Variants in DLG2 observed in about 807,000 individuals in gnomAD.
DLG2 encodes discs large MAGUK scaffold protein 2.
Under a neutral mutation model 132.5 loss-of-function variants are expected in DLG2, and 45 were observed. The observed-to-expected ratio is 0.34, with a 90% CI of 0.27 to 0.44. The LOEUF (loss-of-function observed/expected upper bound fraction) is 0.44, where lower values mean the gene tolerates loss of function less well. Ranked by LOEUF, DLG2 falls within the 20% of genes least tolerant of loss-of-function variation. DLG2 has a pLI of 1.00. For synonymous variants in DLG2, 424 were observed against 419.6 expected (o/e 1.01, Z -0.13); for missense variants, 1,045 against 1,196.9 (o/e 0.87, Z 1.87).
intron 5 of DLG2, among the ~76,000 whole-genome samples, chr11:85,133,705 A>C (rs1173453447): frequency 6.6e-6 from 1 of 152,154 alleles, no homozygotes; most frequent in African/African-American, 2.4e-5. Flanking sequence ...CCACATTCTG[A>C]GTGAAAAAAT....
intron 18 of DLG2, among the ~76,000 whole-genome samples, chr11:83,773,076 G>T (rs1370947335): frequency 6.6e-6 from 1 of 152,164 alleles, no homozygotes; most frequent in Admixed American, 6.5e-5. Flanking sequence ...CTTATGGAAA[G>T]CCTGATAATT....
At chr11:85,207,328 C>A (rs2081963207) in intron 4 of DLG2, among the ~76,000 whole-genome samples, 1 of 152,186 alleles carries the variant, frequency 6.6e-6, no homozygotes, top group Admixed American at 6.6e-5. Flanking sequence ...AGCCTACCTT[C>A]CAGGTATTTG....
intron 3 of DLG2, among the ~76,000 whole-genome samples, chr11:85,586,365 T>C (rs1321891422): frequency 1.3e-5 from 2 of 151,868 alleles, no homozygotes; most frequent in South Asian, 2.1e-4. Flanking sequence ...AACTTTTTAA[T>C]TACTCTTTCA....
intron 21 of DLG2, among the ~76,000 whole-genome samples, chr11:83,493,497 T>G (rs2093987740): frequency 6.6e-6 from 1 of 152,102 alleles, no homozygotes; most frequent in African/African-American, 2.4e-5. Context: ...GAAATGTGTT[T>G]TCATCCACTG....
chr11:83,749,085 T>C (rs1381073177), intron 18 of DLG2, among the ~76,000 whole-genome samples: 1 of 152,160 alleles, frequency 6.6e-6, no homozygotes, highest in Admixed American at 6.5e-5. Context: ...CATATGGCTT[T>C]TGTGGGTTGA....
Position 83,541,733 on chromosome 11 carries a change from A to T in DLG2, c.2066T>A (p.Val689Asp). The T allele has an allele frequency of 6.2e-7, 1 of 1,612,476 alleles. No homozygotes were observed. The highest frequency in any genetic ancestry group is 8.5e-7 in the Non-Finnish European group (1 of 1,179,216). ...CTCCTCACTGTCTCCCTCCAGCATG[A>T]CTCTCCTGGCTTGCCACCACTCATC... is the stretch of plus-strand genomic sequence containing the variant. ...SDDEWWQARR[V>D]MLEGDSEEMG... The change falls in exon 20 of 28, where the codon GTC (valine) becomes GAC (aspartate). Residue 689 changes from valine (V) to aspartate (D), a missense_variant. Val to Asp is a radical substitution (Grantham distance 152). This residue lies in a region of DLG2 where 398 missense variants were observed against 543.6 expected (regional missense o/e 0.73). Transcript: ENST00000376104.
chr11:84,332,113 C>G (rs1038351456), intron 7 of DLG2, among the ~76,000 whole-genome samples: 2 of 152,100 alleles, frequency 1.3e-5, no homozygotes, highest in Non-Finnish European at 2.9e-5. Flanking sequence ...AAACAATCAT[C>G]CGTTAGTAAA....
At chr11:83,861,910 G>A (rs997515612) in intron 16 of DLG2, among the ~76,000 whole-genome samples, 1 of 152,272 alleles carries the variant, frequency 6.6e-6, no homozygotes, top group Non-Finnish European at 1.5e-5. Context: ...ATAAATGCTT[G>A]AGGGGACAGA....
intron 6 of DLG2, among the ~76,000 whole-genome samples, chr11:84,986,552 A>G (rs1316543423): frequency 1.3e-5 from 2 of 152,230 alleles, no homozygotes; most frequent in Non-Finnish European, 2.9e-5. Flanking sequence ...CGAATCCAAC[A>G]ACACATCAAA....
intron 4 of DLG2, among the ~76,000 whole-genome samples, chr11:85,194,888 T>G (rs1337933391): frequency 6.6e-6 from 1 of 152,238 alleles, no homozygotes; most frequent in Non-Finnish European, 1.5e-5. Context: ...CTATGTGCCA[T>G]GTTCTGTGTA....
intron 14 of DLG2, among the ~76,000 whole-genome samples, chr11:83,940,874 A>G (rs1163367807): frequency 6.6e-6 from 1 of 152,196 alleles, no homozygotes; most frequent in Non-Finnish European, 1.5e-5. Flanking sequence ...GAAATGATGC[A>G]TGAATAGCAC....
At chr11:83,805,462 C>T (rs956001896) in intron 17 of DLG2, among the ~76,000 whole-genome samples, 2 of 150,984 alleles carry the variant, frequency 1.3e-5, no homozygotes, top group South Asian at 4.2e-4. Flanking sequence ...TAATATTGTT[C>T]TTTTTGATAT....
chr11:85,315,646 G>A (rs771400348), intron 3 of DLG2, among the ~76,000 whole-genome samples: 1 of 152,022 alleles, frequency 6.6e-6, no homozygotes, highest in Non-Finnish European at 1.5e-5. Flanking sequence ...CTCAACCCAA[G>A]ATAGAGACAG....
At chr11:83,821,288 T>G (rs546449900) in intron 17 of DLG2, among the ~76,000 whole-genome samples, 1 of 152,312 alleles carries the variant, frequency 6.6e-6, no homozygotes, top group African/African-American at 2.4e-5. Flanking sequence ...TAGAGGACGC[T>G]CATCGACTCT....
At chr11:83,841,818 C>A (rs1018220213) in intron 16 of DLG2, among the ~76,000 whole-genome samples, 6 of 152,136 alleles carry the variant, frequency 3.9e-5, no homozygotes, top group African/African-American at 1.4e-4. Context: ...AGACAAGCAT[C>A]TATGGAGTAC....
At chr11:84,361,145 C>A (rs2098647668) in intron 7 of DLG2, among the ~76,000 whole-genome samples, 1 of 151,640 alleles carries the variant, frequency 6.6e-6, no homozygotes, top group South Asian at 2.1e-4. Context: ...AAGTACAGTC[C>A]TAGAAAGTGG....
chr11:84,735,148 C>T (rs917510500), intron 6 of DLG2, among the ~76,000 whole-genome samples: 6 of 152,048 alleles, frequency 3.9e-5, no homozygotes, highest in Admixed American at 6.6e-5. Context: ...TGATGCTGGG[C>T]TCATAAAATG....
intron 3 of DLG2, among the ~76,000 whole-genome samples, chr11:85,544,792 G>GTC (rs1332403488): frequency 6.6e-6 from 1 of 150,434 alleles, no homozygotes; most frequent in Admixed American, 6.6e-5. Flanking sequence ...GGCTCCCTGT[G>GTC]TGTTACTGGC....
chr11:84,745,411 C>G (rs1194873935), intron 6 of DLG2, among the ~76,000 whole-genome samples: 1 of 152,164 alleles, frequency 6.6e-6, no homozygotes, highest in Non-Finnish European at 1.5e-5. Flanking sequence ...TATGACATGT[C>G]TGTTCCCCTT....
Sources: allele counts gnomAD v4.1 joint callset (sites outside exome capture counted in the v4.1 genomes callset), GRCh38; gene constraint gnomAD v4.1.1; regional missense constraint gnomAD v4.1.1; transcripts MANE v1.5; gene names NCBI Gene and HGNC (gene_info 2026-07-23, HGNC 2026-07-21).